NCALD: variants seen among roughly 807,000 people sequenced by gnomAD.
The protein encoded by NCALD is neurocalcin-delta.
NCALD carries 10 observed loss-of-function variants against 18.6 expected under a neutral mutation model. That is an observed-to-expected ratio of 0.54 (90% CI 0.33 to 0.91). The LOEUF is 0.91. Ranked by LOEUF, NCALD falls within the 40% of genes least tolerant of loss-of-function variation. NCALD has a pLI of 0.03. For missense variants in NCALD, 184 were observed against 247.6 expected, an observed-to-expected ratio of 0.74 and a Z score of 1.72; for synonymous variants, 88 against 87.4, an observed-to-expected ratio of 1.01 and a Z score of -0.04.
intron 1 of NCALD, among the ~76,000 whole-genome samples, chr8:102,058,932 G>C (rs1823748496): frequency 6.6e-6 from 1 of 152,096 alleles, no homozygotes; most frequent in Non-Finnish European, 1.5e-5. Context: ...GATGGAGGAG[G>C]GGGCTACAAG....
At chr8:102,013,209 T>C (rs1045181082) in intron 2 of NCALD, among the ~76,000 whole-genome samples, 3 of 152,194 alleles carry the variant, frequency 2.0e-5, no homozygotes, top group African/African-American at 4.8e-5. Flanking sequence ...TATAAGCACA[T>C]GGTGGTCTAG....
At chr8:101,732,366 T>C (rs1816870954) in intron 1 of NCALD, among the ~76,000 whole-genome samples, 1 of 152,146 alleles carries the variant, frequency 6.6e-6, no homozygotes, top group Non-Finnish European at 1.5e-5. Flanking sequence ...CATTTTTAGA[T>C]ATCCTCTAGA....
upstream of NCALD, among the ~76,000 whole-genome samples, chr8:101,793,576 A>G (rs1812528555): frequency 6.6e-6 from 1 of 152,174 alleles, no homozygotes. Context: ...TGATCTCTTT[A>G]GAGCTCAGAT....
intron 3 of NCALD, among the ~76,000 whole-genome samples, chr8:101,891,159 A>G (rs1563863347): frequency 1.3e-5 from 2 of 152,048 alleles, no homozygotes; most frequent in African/African-American, 4.8e-5. Flanking sequence ...ACATTTCCAC[A>G]TTATTTTATC....
chr8:102,050,887 A>ATTAAT (rs1158073311), intron 1 of NCALD, among the ~76,000 whole-genome samples: 1 of 146,254 alleles, frequency 6.8e-6, no homozygotes, highest in Non-Finnish European at 1.5e-5. Flanking sequence ...TTAATTGATT[A>ATTAAT]TTAATTTAAT....
At chr8:101,996,758 G>A (rs1821254007) in intron 2 of NCALD, among the ~76,000 whole-genome samples, 1 of 152,224 alleles carries the variant, frequency 6.6e-6, no homozygotes, top group Non-Finnish European at 1.5e-5. Flanking sequence ...CAGGGACTAT[G>A]GCAGGCAGCA....
At chr8:101,871,973 C>T (rs1242332026) in intron 4 of NCALD, 1 of 781,694 alleles carries the variant, frequency 1.3e-6, no homozygotes, top group Non-Finnish European at 2.3e-6. Context: ...CACCCCAACT[C>T]ATCTCTGGTC....
At chr8:101,876,433 T>G (rs1816229875) in intron 4 of NCALD, among the ~76,000 whole-genome samples, 1 of 152,248 alleles carries the variant, frequency 6.6e-6, no homozygotes, top group African/African-American at 2.4e-5. Flanking sequence ...AGCAAGTTCC[T>G]GCATCTCACG....
At chr8:102,098,223 T>C (rs1489137364) in intron 1 of NCALD, among the ~76,000 whole-genome samples, 1 of 98 alleles carries the variant, frequency 0.01, no homozygotes, top group Non-Finnish European at 0.028. Flanking sequence ...ATTAACTATG[T>C]CCCCTTACCT....
intron 4 of NCALD, among the ~76,000 whole-genome samples, chr8:101,876,171 C>T (rs1018642336): frequency 6.6e-6 from 1 of 152,154 alleles, no homozygotes. Context: ...TGTATAGTTG[C>T]TATTCTAATT....
chr8:101,779,950 C>T (rs1324547769), intron 1 of NCALD: 1 of 151,976 alleles, frequency 6.6e-6, no homozygotes, highest in African/African-American at 2.4e-5. Flanking sequence ...AAGTTCAAAT[C>T]CTCAATTTCA....
chr8:101,736,620 C>T (rs1724719267), intron 1 of NCALD, among the ~76,000 whole-genome samples: 1 of 152,092 alleles, frequency 6.6e-6, no homozygotes, highest in South Asian at 2.1e-4. Flanking sequence ...CAATAGGATA[C>T]CCCGTGGTGA....
At chr8:102,096,085 C>A (rs1825084490) in intron 1 of NCALD, among the ~76,000 whole-genome samples, 1 of 152,180 alleles carries the variant, frequency 6.6e-6, no homozygotes, top group Non-Finnish European at 1.5e-5. Flanking sequence ...CACTAAAGGG[C>A]AGAAAACTGA....
intron 1 of NCALD, among the ~76,000 whole-genome samples, chr8:102,087,958 T>A (rs1397254685): frequency 6.9e-6 from 1 of 144,708 alleles, no homozygotes; most frequent in African/African-American, 2.6e-5. Flanking sequence ...AAAAATACTG[T>A]TTATCTCCTC....
intron 3 of NCALD, among the ~76,000 whole-genome samples, chr8:101,896,199 G>T (rs1817162855): frequency 6.6e-6 from 1 of 151,942 alleles, no homozygotes; most frequent in African/African-American, 2.4e-5. Context: ...AGAGGCCTCA[G>T]AAGTAATGCC....
chr8:101,895,698 C>T (rs1817135810), intron 3 of NCALD, among the ~76,000 whole-genome samples: 2 of 148,996 alleles, frequency 1.3e-5, no homozygotes, highest in South Asian at 2.1e-4. Flanking sequence ...GCAAAAATCA[C>T]AAGCATTCTT....
intron 2 of NCALD, among the ~76,000 whole-genome samples, chr8:101,943,434 T>C (rs1275954993): frequency 6.6e-6 from 1 of 152,240 alleles, no homozygotes; most frequent in Admixed American, 6.5e-5. Flanking sequence ...AGGAACCTCA[T>C]TGACAGAGGC....
At chr8:101,903,135 G>T (rs894364578) in intron 3 of NCALD, among the ~76,000 whole-genome samples, 4 of 152,076 alleles carry the variant, frequency 2.6e-5, no homozygotes, top group African/African-American at 9.7e-5. Flanking sequence ...ACACTGAAAG[G>T]CTTGATAAAT....
rs1814622699 is a variant in NCALD, at chr8:101,689,565, A to C, written c.485-159T>G. On this transcript the variant is annotated intron_variant, in intron 3 of 3. Coordinates refer to ENST00000220931, the MANE Select transcript of NCALD (RefSeq NM_032041.3). This position sits in a 1 kb window ranked among gnomAD's most constrained non-coding sequence, Gnocchi z 4.4. Reference sequence around the variant, plus strand: ...CCTGTCCCGGGGAAGAGCCCAGTGGAATCTCCAGGAACACTGCTGCCTCAT... The same window carrying C: ...CCTGTCCCGGGGAAGAGCCCAGTGGCATCTCCAGGAACACTGCTGCCTCAT... Among the ~76,000 whole-genome samples the C allele has an allele frequency of 6.6e-6, 1 of 152,216 alleles. No individual in the cohort carries two copies. Among genetic ancestry groups the C allele is most frequent in the Non-Finnish European group, 1.5e-5 (1 of 68,036 alleles).
Sources: gnomAD v4.1 joint callset for allele counts (sites outside exome capture counted in the v4.1 genomes callset) on GRCh38, gnomAD v4.1.1 for gene constraint, Gnocchi (gnomAD v3.1) non-coding constraint, MANE v1.5 for transcripts, NCBI Gene and HGNC (gene_info 2026-07-23, HGNC 2026-07-21) for gene names.